Variants in TAS2R1 observed in about 807,000 individuals in gnomAD.
TAS2R1 encodes taste receptor type 2 member 1.
For missense variants in TAS2R1, 370 were observed against 353.4 expected, an observed-to-expected ratio of 1.05 and a Z score of -0.38; for synonymous variants, 141 against 134.2, an observed-to-expected ratio of 1.05 and a Z score of -0.35.
intron 1 of TAS2R1, among the ~76,000 whole-genome samples, chr5:9,691,613 A>T (rs1275746016): frequency 6.6e-6 from 1 of 152,250 alleles, no homozygotes; most frequent in Non-Finnish European, 1.5e-5. Context: ...GGATTGAGAA[A>T]GCAAAACTGG....
At chr5:9,709,259 G>A (rs1378982173) in intron 1 of TAS2R1, among the ~76,000 whole-genome samples, 1 of 151,478 alleles carries the variant, frequency 6.6e-6, no homozygotes, top group East Asian at 1.9e-4. Flanking sequence ...TTGGCTAGAA[G>A]TGGGTCATTG....
chr5:9,813,880 T>C, the TAS2R1 span, among the ~76,000 whole-genome samples: 1 of 152,242 alleles, frequency 6.6e-6, no homozygotes, highest in Non-Finnish European at 1.5e-5. Context: ...GTTTTCATTA[T>C]TGACTTCATC....
the TAS2R1 span, among the ~76,000 whole-genome samples, chr5:9,736,562 G>A: frequency 5.3e-5 from 8 of 152,310 alleles, no homozygotes; most frequent in Non-Finnish European, 8.8e-5. Flanking sequence ...AGTTGGCCAC[G>A]GTGGTAAATT....
At chr5:9,818,788 G>A in the TAS2R1 span, among the ~76,000 whole-genome samples, 1 of 152,234 alleles carries the variant, frequency 6.6e-6, no homozygotes, top group Non-Finnish European at 1.5e-5. Flanking sequence ...TTGATGGGAG[G>A]AAGCATAGAG....
chr5:9,727,355 C>T, the TAS2R1 span, among the ~76,000 whole-genome samples: 2 of 152,186 alleles, frequency 1.3e-5, no homozygotes, highest in Non-Finnish European at 2.9e-5. Flanking sequence ...TCTCAGATAA[C>T]ACTTTTCGGA....
chr5:9,852,003 G>C, the TAS2R1 span, among the ~76,000 whole-genome samples: 4 of 152,264 alleles, frequency 2.6e-5, no homozygotes, highest in African/African-American at 9.6e-5. Flanking sequence ...AAAAGAATAA[G>C]AGAGAAGAGA....
At position 9,649,272 on chromosome 5, in the gene TAS2R1, G is replaced by C. The variant is rs578111585; in HGVS notation, c.-81+10149C>G. On this transcript the variant is annotated intron_variant, in intron 2 of 2. Transcript: ENST00000506620. ...TCAGCAGAATGTTTCTGAAAGCTAA[G>C]AGCTGTATTCAAAGAACTGATCACA... Among the ~76,000 whole-genome samples, 4 of 152,282 alleles carry C rather than the reference G, an allele frequency of 2.6e-5. No homozygotes were observed. The South Asian group carries it at 8.3e-4, about 32-fold the overall frequency.
intron 1 of TAS2R1, among the ~76,000 whole-genome samples, chr5:9,662,879 A>G (rs1740565659): frequency 6.6e-6 from 1 of 152,204 alleles, no homozygotes; most frequent in Non-Finnish European, 1.5e-5. Context: ...ATACCCAATT[A>G]CTTTTGATCA....
the TAS2R1 span, among the ~76,000 whole-genome samples, chr5:9,861,070 T>C: frequency 1.4e-5 from 2 of 141,970 alleles, no homozygotes; most frequent in Non-Finnish European, 3.1e-5. Context: ...CATTTGGGTA[T>C]TGAATAGTGT....
chr5:9,759,561 A>C, the TAS2R1 span, among the ~76,000 whole-genome samples: 1 of 152,238 alleles, frequency 6.6e-6, no homozygotes, highest in Non-Finnish European at 1.5e-5. Context: ...AAGTTTGAAA[A>C]TCATTAGTAT....
chr5:9,736,216 CAA>C, the TAS2R1 span, among the ~76,000 whole-genome samples: 1 of 152,234 alleles, frequency 6.6e-6, no homozygotes, highest in Non-Finnish European at 1.5e-5. Context: ...CTTCCCATGG[CAA>C]AGTCAGAATT....
the TAS2R1 span, among the ~76,000 whole-genome samples, chr5:9,780,020 G>A: frequency 4.6e-5 from 7 of 152,302 alleles, no homozygotes; most frequent in African/African-American, 1.7e-4. Context: ...CTTTCTGTGT[G>A]CCACATACCC....
the TAS2R1 span, among the ~76,000 whole-genome samples, chr5:9,839,366 G>C: frequency 6.6e-6 from 1 of 152,186 alleles, no homozygotes; most frequent in African/African-American, 2.4e-5. Flanking sequence ...ATAACATCCT[G>C]TTGTACAACA....
chr5:9,821,859 G>C, the TAS2R1 span, among the ~76,000 whole-genome samples: 1 of 152,152 alleles, frequency 6.6e-6, no homozygotes, highest in African/African-American at 2.4e-5. Context: ...CTAGCCTTAT[G>C]ACCTGGGGAA....
rs1464308587 is a variant in TAS2R1, at chr5:9,629,766, A to G, written c.267T>C (p.Asn89=). The change falls in exon 1 of 1, where the codon AAT becomes AAC. Residue 89 remains asparagine, a synonymous_variant. Transcript: ENST00000382492. ...SANCAILLFI[N]ELELWLATWL... is the part of the protein sequence containing the mutation. ...ATGTGGCAAGCCAAAGTTCCAATTCATTTATAAATAAGAGAATTGCACAAT... is the reference window on the plus strand; with the variant it reads ...ATGTGGCAAGCCAAAGTTCCAATTCGTTTATAAATAAGAGAATTGCACAAT... The G allele has an allele frequency of 6.2e-7, 1 of 1,613,772 alleles. No individual in the cohort carries two copies. Among genetic ancestry groups the G allele is most frequent in the East Asian group, 2.2e-5 (1 of 44,848 alleles).
intron 1 of TAS2R1, among the ~76,000 whole-genome samples, chr5:9,701,702 G>A (rs575549542): frequency 1.8e-4 from 27 of 152,090 alleles, no homozygotes; most frequent in Non-Finnish European, 2.9e-4. Context: ...TTCGTATATT[G>A]AACAATTTTC....
chr5:9,850,743 A>G, the TAS2R1 span, among the ~76,000 whole-genome samples: 2 of 152,190 alleles, frequency 1.3e-5, no homozygotes, highest in East Asian at 3.8e-4. Context: ...TATGCCGGGG[A>G]GCAAGTGTGT....
chr5:9,728,461 G>A, the TAS2R1 span, among the ~76,000 whole-genome samples: 10 of 152,196 alleles, frequency 6.6e-5, no homozygotes, highest in East Asian at 5.8e-4. Context: ...TTGGCAGACC[G>A]CCACCATGTA....
At chr5:9,745,367 GA>G in the TAS2R1 span, among the ~76,000 whole-genome samples, 71 of 152,036 alleles carry the variant, frequency 4.7e-4, no homozygotes, top group Non-Finnish European at 9.1e-4. Context: ...TGAAGGGAGA[GA>G]TTTTTTTAAG....
Sources: allele counts gnomAD v4.1 joint callset (sites outside exome capture counted in the v4.1 genomes callset), GRCh38; gene constraint gnomAD v4.1.1; transcripts MANE v1.5; gene names NCBI Gene and HGNC (gene_info 2026-07-23, HGNC 2026-07-21).